SNTG1: variants seen among roughly 807,000 people sequenced by gnomAD.
The protein encoded by SNTG1 is syntrophin gamma 1, also known as gamma-1-syntrophin.
In SNTG1, 39 loss-of-function variants were observed where a neutral mutation model predicts 74.7. That is an observed-to-expected ratio of 0.52 (90% confidence interval 0.40 to 0.68). The LOEUF is 0.68. SNTG1 is among the 30% of genes least tolerant of loss of function. The pLI is 0.00. For synonymous variants in SNTG1, 254 were observed against 217.1 expected (o/e 1.17, Z -1.49); for missense variants, 685 against 609.5 (o/e 1.12, Z -1.30).
At chr8:50,098,622 CTG>C (rs2080015441) in intron 1 of SNTG1, among the ~76,000 whole-genome samples, 1 of 152,052 alleles carries the variant, frequency 6.6e-6, no homozygotes, top group Non-Finnish European at 1.5e-5. Flanking sequence ...TGAGGGATCA[CTG>C]TAATGATTCT....
At chr8:50,757,567 C>G (rs1312030355) in intron 18 of SNTG1, among the ~76,000 whole-genome samples, 1 of 151,864 alleles carries the variant, frequency 6.6e-6, no homozygotes, top group Non-Finnish European at 1.5e-5. Context: ...ATGCCTTTAA[C>G]ATTGAAAGTG....
intron 1 of SNTG1, among the ~76,000 whole-genome samples, chr8:50,087,938 C>A (rs1209624468): frequency 8.5e-6 from 1 of 117,488 alleles, no homozygotes; most frequent in Non-Finnish European, 1.7e-5. Flanking sequence ...CCCCTCCCCC[C>A]ACCCCACCAC....
chr8:49,999,939 C>T (rs1178739177), intron 1 of SNTG1, among the ~76,000 whole-genome samples: 2 of 152,168 alleles, frequency 1.3e-5, no homozygotes, highest in African/African-American at 4.8e-5. Context: ...GTTGTATTCC[C>T]AGGGCCTCGA....
chr8:49,974,293 G>A (rs1181032288), intron 1 of SNTG1, among the ~76,000 whole-genome samples: 1 of 152,126 alleles, frequency 6.6e-6, no homozygotes, highest in African/African-American at 2.4e-5. Context: ...CCATTGATGA[G>A]CGCCAATACC....
At chr8:50,367,308 T>G (rs1020918530) in intron 2 of SNTG1, among the ~76,000 whole-genome samples, 1 of 151,960 alleles carries the variant, frequency 6.6e-6, no homozygotes, top group African/African-American at 2.4e-5. Flanking sequence ...TGACATTTCC[T>G]AGTTCACAAT....
At chr8:49,921,724 C>T (rs1319501731) in intron 1 of SNTG1, among the ~76,000 whole-genome samples, 1 of 152,088 alleles carries the variant, frequency 6.6e-6, no homozygotes, top group Non-Finnish European at 1.5e-5. Context: ...TATAGTCAAC[C>T]AAAAAGATAC....
intron 15 of SNTG1, among the ~76,000 whole-genome samples, chr8:50,669,552 G>C (rs1365976520): frequency 6.6e-6 from 1 of 152,136 alleles, no homozygotes; most frequent in Non-Finnish European, 1.5e-5. Flanking sequence ...ATAATCAATA[G>C]CTTACCAACG....
intron 4 of SNTG1, among the ~76,000 whole-genome samples, chr8:50,433,663 T>G (rs2093268507): frequency 1.3e-5 from 2 of 152,150 alleles, no homozygotes; most frequent in South Asian, 4.1e-4. Context: ...CACCAGTGGG[T>G]TGCTGTGATA....
chr8:50,659,641 A>G (rs547660435), intron 15 of SNTG1, among the ~76,000 whole-genome samples: 1 of 152,202 alleles, frequency 6.6e-6, no homozygotes, highest in Non-Finnish European at 1.5e-5. Flanking sequence ...AGCCAAAAGT[A>G]TAGTTCATTG....
chr8:50,213,149 C>T (rs893247186), intron 2 of SNTG1, among the ~76,000 whole-genome samples: 20 of 152,138 alleles, frequency 1.3e-4, no homozygotes, highest in African/African-American at 4.8e-4. Context: ...GACAGGCTTG[C>T]TTGTGCATAG....
At chr8:50,503,020 A>T (rs943456050) in intron 9 of SNTG1, 140 bp downstream of exon 9, 1 of 632,184 alleles carries the variant, frequency 1.6e-6, no homozygotes, top group Non-Finnish European at 2.7e-6. Context: ...AAAGTGTTCT[A>T]CTAACCTTTA....
chr8:50,523,361 TAAGCTTTTGG>T lies in SNTG1; in HGVS notation c.467-6815_467-6806del, dbSNP rs2094195374. ...AACTTGGCTAACTGGCAGAAGAGGC[TAAGCTTTTGG>T]CTTATCTTGGCTTTCAATATGACTT... On this transcript the variant is annotated intron_variant, in intron 9 of 18. Transcript: ENST00000642720. Among the ~76,000 whole-genome samples, 3 of 152,256 alleles carry T rather than the reference TAAGCTTTTGG, an allele frequency of 2.0e-5. No homozygotes were observed. The East Asian group carries it at 5.8e-4, about 29-fold the overall frequency.
chr8:50,362,734 G>A (rs2091994947), intron 2 of SNTG1, among the ~76,000 whole-genome samples: 1 of 152,084 alleles, frequency 6.6e-6, no homozygotes, highest in Non-Finnish European at 1.5e-5. Context: ...TGTATAGCAG[G>A]TGATAATTTA....
chr8:50,204,387 A>G (rs923039133), intron 2 of SNTG1, among the ~76,000 whole-genome samples: 2 of 152,108 alleles, frequency 1.3e-5, no homozygotes, highest in African/African-American at 4.8e-5. Flanking sequence ...TATCTTGATC[A>G]TGATTTTCTG....
At chr8:50,426,923 A>G (rs2093170883) in intron 4 of SNTG1, among the ~76,000 whole-genome samples, 2 of 152,204 alleles carry the variant, frequency 1.3e-5, no homozygotes, top group Non-Finnish European at 2.9e-5. Context: ...ATAACTATTT[A>G]TATAGAACTT....
At chr8:50,509,745 G>A (rs1263489858) in intron 9 of SNTG1, among the ~76,000 whole-genome samples, 1 of 152,142 alleles carries the variant, frequency 6.6e-6, no homozygotes, top group African/African-American at 2.4e-5. Context: ...AAGAAGGCTT[G>A]TGAGTTTTGC....
intron 1 of SNTG1, among the ~76,000 whole-genome samples, chr8:50,020,030 A>T (rs1484016099): frequency 1.3e-5 from 2 of 152,112 alleles, no homozygotes; most frequent in East Asian, 3.9e-4. Flanking sequence ...GTTAACCTTT[A>T]GAAAAAAAAT....
At chr8:50,591,689 G>C (rs1402174416) in intron 13 of SNTG1, among the ~76,000 whole-genome samples, 1 of 152,168 alleles carries the variant, frequency 6.6e-6, no homozygotes, top group Non-Finnish European at 1.5e-5. Context: ...TGTAGAAATT[G>C]TATCATTAAT....
intron 1 of SNTG1, among the ~76,000 whole-genome samples, chr8:49,984,322 C>A (rs527425592): frequency 6.6e-6 from 1 of 152,166 alleles, no homozygotes; most frequent in Non-Finnish European, 1.5e-5. Context: ...TCTCCTGCCT[C>A]AGTCTCCCGA....
Sources: allele counts gnomAD v4.1 joint callset (sites outside exome capture counted in the v4.1 genomes callset), GRCh38; gene constraint gnomAD v4.1.1; transcripts MANE v1.5; gene names NCBI Gene and HGNC (gene_info 2026-07-23, HGNC 2026-07-21).